RRP15: variants seen among roughly 807,000 people sequenced by gnomAD.
RRP15 encodes ribosomal RNA processing 15 homolog, also known as RRP15-like protein.
In RRP15, 18 loss-of-function variants were observed where a neutral mutation model predicts 27.1. That is an observed-to-expected ratio of 0.66 (90% CI 0.46 to 0.98). RRP15 has a LOEUF of 0.98. Ranked by LOEUF, RRP15 falls within the 50% of genes least tolerant of loss-of-function variation. RRP15 has a pLI of 0.00. For synonymous variants in RRP15, 107 were observed against 109.4 expected (o/e 0.98, Z 0.14); for missense variants, 359 against 337.8 (o/e 1.06, Z -0.49).
chr1:218,318,718 A>G (rs1007584473), intron 4 of RRP15, among the ~76,000 whole-genome samples: 1 of 151,910 alleles, frequency 6.6e-6, no homozygotes, highest in African/African-American at 2.4e-5. Flanking sequence ...GCCAGTTTCC[A>G]CTTGGTTAAA....
chr1:218,297,335 T>C (rs1222500910), intron 1 of RRP15, among the ~76,000 whole-genome samples: 1 of 152,152 alleles, frequency 6.6e-6, no homozygotes, highest in East Asian at 1.9e-4. Context: ...TCTTTCTCCT[T>C]CTCTACCACA....
rs1287208129 is a variant in RRP15, at chr1:218,285,315, A to G, written c.-2A>G. On this transcript the variant is annotated 5_prime_UTR_variant, in exon 1 of 5. Transcript: ENST00000366932. ...GTCAGGTGACGCTTCCGGCGCAGAAAAATGGCAGCCGCCGCTCCGGACTCA... is the reference window on the plus strand; with the variant it reads ...GTCAGGTGACGCTTCCGGCGCAGAAGAATGGCAGCCGCCGCTCCGGACTCA... 1.9e-6 allele frequency: 3 copies of G among 1,612,202 alleles called. No homozygotes were observed. Among genetic ancestry groups the G allele is most frequent in the Non-Finnish European group, 2.5e-6 (3 of 1,179,574 alleles).
chr1:218,302,967 G>A (rs965644739), intron 2 of RRP15, among the ~76,000 whole-genome samples: 8 of 151,706 alleles, frequency 5.3e-5, no homozygotes, highest in African/African-American at 1.5e-4. Flanking sequence ...TGACAATGTC[G>A]TAACTCAAGG....
intron 1 of RRP15, among the ~76,000 whole-genome samples, chr1:218,287,991 C>A (rs1193973649): frequency 6.6e-6 from 1 of 152,148 alleles, no homozygotes; most frequent in Non-Finnish European, 1.5e-5. Flanking sequence ...AATTCATGGC[C>A]TATTTCAGAC....
At chr1:218,296,505 G>T (rs1655721105) in intron 1 of RRP15, among the ~76,000 whole-genome samples, 1 of 151,936 alleles carries the variant, frequency 6.6e-6, no homozygotes. Context: ...AATTAGCTCA[G>T]CGTGGTGGTG....
chr1:218,287,090 A>G (rs1299003880), intron 1 of RRP15, among the ~76,000 whole-genome samples: 1 of 137,670 alleles, frequency 7.3e-6, no homozygotes, highest in Non-Finnish European at 1.5e-5. Context: ...CAGCTTCCCC[A>G]GGTAGCTAGG....
intron 1 of RRP15, among the ~76,000 whole-genome samples, chr1:218,290,093 T>C (rs891609164): frequency 6.6e-6 from 1 of 152,192 alleles, no homozygotes; most frequent in African/African-American, 2.4e-5. Context: ...TAACCATCAA[T>C]GTTGAAGGAC....
chr1:218,328,536 G>T (rs944587815), intron 4 of RRP15, among the ~76,000 whole-genome samples: 1 of 152,026 alleles, frequency 6.6e-6, no homozygotes, highest in Admixed American at 6.6e-5. Flanking sequence ...GGTGGCAGGT[G>T]CCTATAGTCC....
At chr1:218,289,433 A>C (rs149464456) in intron 1 of RRP15, among the ~76,000 whole-genome samples, 9 of 152,314 alleles carry the variant, frequency 5.9e-5, no homozygotes, top group Non-Finnish European at 1.0e-4. Context: ...CCATTAGATC[A>C]TATATTTTTG....
intron 1 of RRP15, among the ~76,000 whole-genome samples, chr1:218,300,745 T>G (rs1034618346): frequency 1.3e-5 from 2 of 152,210 alleles, no homozygotes; most frequent in Non-Finnish European, 2.9e-5. Flanking sequence ...ACAACAAGAC[T>G]CAATCAATAG....
Position 218,294,662 on chromosome 1 carries a change from T to A in RRP15, c.140-7632T>A, listed in dbSNP as rs1461682645. On this transcript the variant is annotated intron_variant, in intron 1 of 4. Coordinates refer to ENST00000366932, the MANE Select transcript of RRP15 (RefSeq NM_016052.4). ...TCTCTGAACCCTGTTTTTTTTTTAA[T>A]GTTTTATGGAGACTTCATTACATAA... 3.9e-5 allele frequency among the ~76,000 whole-genome samples: 6 copies of A among 152,144 alleles called. No homozygotes were observed. The East Asian group carries it at 5.8e-4, about 15-fold the overall frequency.
rs1656415366 is a variant in RRP15 at position 218,334,187 on chromosome 1, G to A, written c.*3096G>A. The stretch of plus-strand genomic sequence containing the variant: ...GTAGTTTAGCACTTTTTATAATGGA[G>A]TTGGAGCACTGAATTTATTTTCAAA... On this transcript the variant is annotated 3_prime_UTR_variant, in exon 5 of 5. Coordinates refer to ENST00000366932, the MANE Select transcript of RRP15 (RefSeq NM_016052.4). 1 of 152,102 alleles carries A rather than the reference G, an allele frequency of 6.6e-6. No individual in the cohort carries two copies. Among genetic ancestry groups the A allele is most frequent in the African/African-American group, 2.4e-5 (1 of 41,416 alleles). 9.4% of individuals were successfully genotyped at this position (152,102 alleles called of 1,614,324 possible). A position where few individuals can be genotyped will look rare whatever the true frequency, so the allele number is the denominator to read the frequency against.
chr1:218,293,673 T>A lies in RRP15; in HGVS notation c.139+8218T>A, dbSNP rs549537143. 1.1e-4 allele frequency among the ~76,000 whole-genome samples: 17 copies of A among 152,350 alleles called. No individual in the cohort carries two copies. The East Asian group carries it at 1.7e-3, about 16-fold the overall frequency. ...TAACCCATATGTTGTTTGAATTTTATTTTTCTGGCTTTAATTTCTTTTCAC... is the reference window on the plus strand; with the variant it reads ...TAACCCATATGTTGTTTGAATTTTAATTTTCTGGCTTTAATTTCTTTTCAC... On this transcript the variant is annotated intron_variant, in intron 1 of 4. Transcript: ENST00000366932.
chr1:218,329,086 A>G (rs1656323267), intron 4 of RRP15, among the ~76,000 whole-genome samples: 1 of 151,788 alleles, frequency 6.6e-6, no homozygotes, highest in African/African-American at 2.4e-5. Context: ...TTCACTGTGA[A>G]CATCAGTTTT....
chr1:218,292,597 A>G (rs1462035274), intron 1 of RRP15, among the ~76,000 whole-genome samples: 1 of 152,244 alleles, frequency 6.6e-6, no homozygotes, highest in African/African-American at 2.4e-5. Context: ...TGCCATGAGT[A>G]TTGATTTGGG....
intron 4 of RRP15, among the ~76,000 whole-genome samples, chr1:218,323,876 G>A (rs769094355): frequency 1.1e-4 from 17 of 152,202 alleles, no homozygotes; most frequent in Non-Finnish European, 1.8e-4. Flanking sequence ...AGCGGGCACT[G>A]GGAGCGGGGA....
intron 4 of RRP15, among the ~76,000 whole-genome samples, chr1:218,314,995 A>G (rs111922536): frequency 1.3e-5 from 2 of 149,386 alleles, no homozygotes; most frequent in Admixed American, 1.3e-4. Context: ...CATCTCAAAA[A>G]AAAAAAAAAA....
Position 218,331,651 on chromosome 1 carries a change from C to CTTTTTTTTT in RRP15, c.*591_*599dup, listed in dbSNP as rs34150523. 14 of 35,650 alleles carry CTTTTTTTTT rather than the reference C, an allele frequency of 3.9e-4. 4 individuals carry two copies. Among genetic ancestry groups the CTTTTTTTTT allele is most frequent in the Non-Finnish European group, 5.1e-4 (9 of 17,534 alleles). 2.2% of individuals were successfully genotyped at this position (35,650 alleles called of 1,614,324 possible). A position where few individuals can be genotyped will look rare whatever the true frequency, so the allele number is the denominator to read the frequency against. ...TGATTTAAGAAACAACAGATTTCAACTTTTTTTTTTTTTTTTTTTTTTTTT... is the reference window on the plus strand; with the variant it reads ...TGATTTAAGAAACAACAGATTTCAACTTTTTTTTTTTTTTTTTTTTTTTTTTTTTTTTTT... On this transcript the variant is annotated 3_prime_UTR_variant, in exon 5 of 5. Coordinates refer to ENST00000366932, the MANE Select transcript of RRP15 (RefSeq NM_016052.4).
At chr1:218,324,068 G>T (rs1656231863) in intron 4 of RRP15, among the ~76,000 whole-genome samples, 1 of 152,162 alleles carries the variant, frequency 6.6e-6, no homozygotes, top group Non-Finnish European at 1.5e-5. Flanking sequence ...TGTGGAGCCT[G>T]GCACCGTCCC....
Sources: gnomAD v4.1 joint callset for allele counts (sites outside exome capture counted in the v4.1 genomes callset) on GRCh38, gnomAD v4.1.1 for gene constraint, MANE v1.5 for transcripts, NCBI Gene and HGNC (gene_info 2026-07-23, HGNC 2026-07-21) for gene names.